The following RPL26 variants were observed in gnomAD, a reference collection of about 807,000 sequenced individuals.
The protein encoded by RPL26 is ribosomal protein L26, also known as large ribosomal subunit protein uL24.
Under a neutral mutation model 16.2 loss-of-function variants are expected in RPL26, and 1 was observed. The ratio of observed to expected loss-of-function variants is 0.06; its 90% CI spans 0.02 to 0.29. The LOEUF (loss-of-function observed/expected upper bound fraction) is 0.29, where lower values mean the gene tolerates loss of function less well. RPL26 is among the 10% of genes least tolerant of loss of function. The pLI is 1.00. For synonymous variants in RPL26, 55 were observed against 62.4 expected, an observed-to-expected ratio of 0.88 and a Z score of 0.56; for missense variants, 102 against 184.3, an observed-to-expected ratio of 0.55 and a Z score of 2.58.
At chr17:8,380,892 C>T (rs951827869) in intron 2 of RPL26, among the ~76,000 whole-genome samples, 1 of 152,198 alleles carries the variant, frequency 6.6e-6, no homozygotes, top group Admixed American at 6.5e-5. Flanking sequence ...CTGAAACAAA[C>T]CCCCTTCTTG....
chr17:8,382,131 A>G lies in RPL26; in HGVS notation c.168+12T>C, dbSNP rs537475623. 6 of 1,608,478 alleles carry G rather than the reference A, an allele frequency of 3.7e-6. No homozygotes were observed. The South Asian group carries it at 6.6e-5, about 18-fold the overall frequency. On this transcript the variant is annotated intron_variant, in intron 2 of 3. Coordinates refer to ENST00000648839, the MANE Select transcript of RPL26 (RefSeq NM_000987.5). ...ATCCATCAAGACAACGAGAACAAGT[A>G]GGGATACACACCTGAACTTCATCAT...
chr17:8,379,542 C>T, intron 3 of RPL26: 5 of 554,226 alleles, frequency 9.0e-6, no homozygotes. Flanking sequence ...CCACTGCACT[C>T]CGGCCTGGGT....
At chr17:8,381,360 C>A (rs1172571295) in intron 2 of RPL26, 1 of 152,204 alleles carries the variant, frequency 6.6e-6, no homozygotes, top group Non-Finnish European at 1.5e-5. Flanking sequence ...TCTATCTGGA[C>A]AGCAGGCAAA....
At chr17:8,380,352 G>T (rs557054596) in intron 2 of RPL26, among the ~76,000 whole-genome samples, 1 of 152,288 alleles carries the variant, frequency 6.6e-6, no homozygotes, top group Non-Finnish European at 1.5e-5. Context: ...AGTTTTCAAG[G>T]TCTACTGGCA....
At chr17:8,379,565 CTG>C (rs781089822) in intron 3 of RPL26, 4 of 576,336 alleles carry the variant, frequency 6.9e-6, no homozygotes, top group Admixed American at 3.3e-5. Flanking sequence ...AAGAGCAAGA[CTG>C]TCTCAAAAAC....
rs1909342 is a variant in RPL26 at position 8,378,322 on chromosome 17, C to T, written c.310-630G>A. Among the ~76,000 whole-genome samples the T allele has an allele frequency of 7.8e-3, 1,190 of 152,184 alleles. 6 individuals are homozygous for T. The highest frequency in any genetic ancestry group is 0.014 in the Non-Finnish European group (953 of 68,002). Reference sequence around the variant, plus strand: ...TTGCACTCCAGCCTGGGCGATCAATCGAGACTCCATCTCAAAAAACAAACA... The same window carrying T: ...TTGCACTCCAGCCTGGGCGATCAATTGAGACTCCATCTCAAAAAACAAACA... On this transcript the variant is annotated intron_variant, in intron 3 of 3. Coordinates refer to ENST00000648839, the MANE Select transcript of RPL26 (RefSeq NM_000987.5).
intron 3 of RPL26, chr17:8,379,194 CTTTTTTTTT>C (rs201780869): frequency 7.0e-6 from 1 of 142,840 alleles, no homozygotes; most frequent in Non-Finnish European, 1.5e-5. Context: ...TATTTTTTTT[CTTTTTTTTT>C]TTTTGAGATG....
chr17:8,382,228 T>A lies in RPL26; in HGVS notation c.83A>T (p.Lys28Met), dbSNP rs1907454482. The change falls in exon 2 of 4, where the codon AAG becomes ATG. Residue 28 changes from lysine (K) to methionine (M), a missense_variant. By Grantham distance (95) the Lys-to-Met change is moderately conservative. Transcript: ENST00000648839. Reference sequence around the variant, plus strand: ...TTTGGAAAGAGGGGAAGACATAATCTTCCTTCGAATGTGGGAAGGTGCATT... The same window carrying A: ...TTTGGAAAGAGGGGAAGACATAATCATCCTTCGAATGTGGGAAGGTGCATT... Reference protein sequence around the residue: ...HFNAPSHIRRKIMSSPLSKEL... With the variant: ...HFNAPSHIRRMIMSSPLSKEL... 6.2e-7 allele frequency: 1 copy of A among 1,613,786 alleles called. No homozygotes were observed. The highest frequency in any genetic ancestry group is 1.3e-5 in the African/African-American group (1 of 74,928).
At chr17:8,381,308 T>TA (rs1200783916) in intron 2 of RPL26, 4 of 152,364 alleles carry the variant, frequency 2.6e-5, no homozygotes, top group Non-Finnish European at 5.9e-5. Context: ...CTGCATGAAT[T>TA]AAACTCTTTC....
At chr17:8,381,267 G>C (rs980954107) in intron 2 of RPL26, 3 of 152,112 alleles carry the variant, frequency 2.0e-5, no homozygotes, top group African/African-American at 7.2e-5. Flanking sequence ...AGAATGATTT[G>C]AGTAGTTAAC....
intron 3 of RPL26, 36 bp downstream of exon 3, chr17:8,379,760 A>C (rs375952430): frequency 1.6e-5 from 26 of 1,590,490 alleles, no homozygotes; most frequent in Non-Finnish European, 1.7e-5. Flanking sequence ...TAATTGCCAT[A>C]ATTTCCTTCT....
chr17:8,380,521 C>G (rs572761082), intron 2 of RPL26: 1 of 152,586 alleles, frequency 6.6e-6, no homozygotes, highest in South Asian at 2.1e-4. Context: ...ACTAGCTGCA[C>G]TACAGATTAC....
intron 1 of RPL26, chr17:8,382,923 C>T (rs1567706899): frequency 2.5e-6 from 1 of 397,310 alleles, no homozygotes; most frequent in Non-Finnish European, 4.4e-6. Flanking sequence ...AGTCTATTTC[C>T]ACAGGCTCCC....
At chr17:8,382,440 CAACAAA>C in intron 1 of RPL26, 125 bp from the exon 2 acceptor site, 1 of 678,728 alleles carries the variant, frequency 1.5e-6, no homozygotes, top group Non-Finnish European at 2.5e-6. Context: ...TGTGCAACTT[CAACAAA>C]AACTGTTTGA....
intron 3 of RPL26, 132 bp from the exon 4 acceptor site, chr17:8,377,824 T>TA: frequency 1.3e-6 from 1 of 747,292 alleles, no homozygotes; most frequent in Non-Finnish European, 2.0e-6. Flanking sequence ...TTTTAACTTT[T>TA]AAAAAACTCC....
At chr17:8,380,666 C>T (rs1347144739) in intron 2 of RPL26, 2 of 152,236 alleles carry the variant, frequency 1.3e-5, no homozygotes, top group East Asian at 3.8e-4. Context: ...GTTTACTGGT[C>T]CTCAACTGCC....
At chr17:8,377,848 T>G in intron 3 of RPL26, 156 bp from the exon 4 acceptor site, 2 of 610,230 alleles carry the variant, frequency 3.3e-6, no homozygotes, top group South Asian at 6.4e-5. Flanking sequence ...AATCACTCTT[T>G]AGCCATCAAA....
chr17:8,377,786 G>A (rs1352885715), intron 3 of RPL26, 94 bp from the exon 4 acceptor site: 2 of 1,183,604 alleles, frequency 1.7e-6, no homozygotes, highest in Non-Finnish European at 2.3e-6. Flanking sequence ...CCCAAACCTG[G>A]GGTAGGTGGA....
At chr17:8,378,259 G>C (rs536539454) in intron 3 of RPL26, among the ~76,000 whole-genome samples, 3 of 152,220 alleles carry the variant, frequency 2.0e-5, no homozygotes, top group South Asian at 2.1e-4. Context: ...GGAACCCTGG[G>C]GGGGCGGAGG....
Sources: allele counts gnomAD v4.1 joint callset (sites outside exome capture counted in the v4.1 genomes callset), GRCh38; gene constraint gnomAD v4.1.1; transcripts MANE v1.5; gene names NCBI Gene and HGNC (gene_info 2026-07-23, HGNC 2026-07-21).